Variants in TCP11L1 observed in about 807,000 individuals in gnomAD.
TCP11L1 encodes the protein t-complex 11 like 1, also known as T-complex protein 11-like protein 1.
A neutral mutation model predicts 48.9 loss-of-function variants in TCP11L1; 28 were observed. That is an observed-to-expected ratio of 0.57 (90% CI 0.42 to 0.78). The LOEUF (loss-of-function observed/expected upper bound fraction) is 0.78, where lower values mean the gene tolerates loss of function less well. TCP11L1 is among the 30% of genes least tolerant of loss of function. The pLI, the probability that TCP11L1 is intolerant of heterozygous loss-of-function variation, is 0.00. For synonymous variants in TCP11L1, 204 were observed against 231.9 expected, an observed-to-expected ratio of 0.88 and a Z score of 1.09; for missense variants, 505 against 613.4, an observed-to-expected ratio of 0.82 and a Z score of 1.87.
At chr11:33,061,498 C>A in intron 6 of TCP11L1, 32 bp from the exon 7 acceptor site, 1 of 1,533,506 alleles carries the variant, frequency 6.5e-7, no homozygotes, top group Non-Finnish European at 8.8e-7. Flanking sequence ...TTCTTGGTGT[C>A]AAGGTAATGT....
chr11:33,060,165 A>G (rs1445682048), intron 6 of TCP11L1, among the ~76,000 whole-genome samples: 1 of 152,070 alleles, frequency 6.6e-6, no homozygotes, highest in African/African-American at 2.4e-5. Flanking sequence ...GCTGGAGTGC[A>G]GTGGCACGAT....
intron 4 of TCP11L1, 34 bp from the exon 5 acceptor site, chr11:33,057,885 A>C (rs1460216455): frequency 2.6e-6 from 4 of 1,553,208 alleles, no homozygotes; most frequent in Middle Eastern, 1.9e-4. Context: ...ATGTCTAAAG[A>C]ATTTTGATTA....
At chr11:33,052,396 T>A (rs971212599) in intron 2 of TCP11L1, among the ~76,000 whole-genome samples, 3 of 152,218 alleles carry the variant, frequency 2.0e-5, no homozygotes, top group Non-Finnish European at 4.4e-5. Flanking sequence ...AATTCTGAGT[T>A]TTCCCAACTT....
At chr11:33,047,270 G>A (rs891499111) in intron 2 of TCP11L1, among the ~76,000 whole-genome samples, 1 of 151,268 alleles carries the variant, frequency 6.6e-6, no homozygotes, top group Non-Finnish European at 1.5e-5. Context: ...TATTGAAAAA[G>A]GAAAAATGGC....
chr11:33,066,015 AGTGGAACTTTGATGC>A lies in TCP11L1; in HGVS notation c.1154+10_1154+24del. 1 of 1,613,864 alleles carries A rather than the reference AGTGGAACTTTGATGC, an allele frequency of 6.2e-7. No individual in the cohort carries two copies. The highest frequency in any genetic ancestry group is 2.2e-5 in the East Asian group (1 of 44,876). On this transcript the variant is annotated splice_donor_5th_base_variant and intron_variant, in intron 8 of 9. Transcript: ENST00000334274. ...TGCTAACAGATATGCACCTGCCGTA[AGTGGAACTTTGATGC>A]GTGGATGGGACGCAGTGGATGTCAG...
At chr11:33,044,386 T>C (rs1052396814) in intron 2 of TCP11L1, among the ~76,000 whole-genome samples, 2 of 152,206 alleles carry the variant, frequency 1.3e-5, no homozygotes, top group African/African-American at 2.4e-5. Context: ...TTCAGTTTGC[T>C]AAATGTGTGT....
At chr11:33,067,966 G>T (rs1465612981) in intron 8 of TCP11L1, among the ~76,000 whole-genome samples, 1 of 151,484 alleles carries the variant, frequency 6.6e-6, no homozygotes, top group African/African-American at 2.4e-5. Context: ...CACTCTTGTT[G>T]CCCAGGCTGG....
At position 33,043,764 on chromosome 11, in the gene TCP11L1, T is replaced by G; in HGVS notation, c.-10T>G. The G allele has an allele frequency of 6.3e-7, 1 of 1,596,336 alleles. No individual in the cohort carries two copies. On this transcript the variant is annotated 5_prime_UTR_variant, in exon 2 of 10. Transcript: ENST00000334274. Reference sequence around the variant, plus strand: ...TTCTTTCCTAGGAAAGTGAATAAACTTAATTGAGAATGTCTGAAAACCTTG... The same window carrying G: ...TTCTTTCCTAGGAAAGTGAATAAACGTAATTGAGAATGTCTGAAAACCTTG...
At position 33,060,940 on chromosome 11, in the gene TCP11L1, T is replaced by C. The variant is rs563994695; in HGVS notation, c.776-590T>C. On this transcript the variant is annotated intron_variant, in intron 6 of 9. Transcript: ENST00000334274. ...AGGTGGGTGGCAAGGCCTGGCTAGG[T>C]GTCATGTATTTGTTACTATTATTAT... Among the ~76,000 whole-genome samples, 3 of 151,954 alleles carry C rather than the reference T, an allele frequency of 2.0e-5. No individual in the cohort carries two copies. In the East Asian group the frequency reaches 5.8e-4, roughly 29 times the overall value.
Position 33,072,814 on chromosome 11 carries a change from A to G in TCP11L1, c.*138A>G, listed in dbSNP as rs780601784. 31 of 913,242 alleles carry G rather than the reference A, an allele frequency of 3.4e-5. No homozygotes were observed. The highest frequency in any genetic ancestry group is 5.2e-5 in the Non-Finnish European group (31 of 598,968). 56.6% of individuals were successfully genotyped at this position (913,242 alleles called of 1,614,324 possible). On this transcript the variant is annotated 3_prime_UTR_variant, in exon 10 of 10. Coordinates refer to ENST00000334274, the MANE Select transcript of TCP11L1 (RefSeq NM_018393.4). ...GATTCCAAAGGGAAGAATATTGTGT[A>G]TCACTGTTGAAAAGACTTGTTGAGA...
intron 3 of TCP11L1, chr11:33,056,765 C>G (rs979488023): frequency 8.3e-6 from 2 of 241,124 alleles, no homozygotes; most frequent in Non-Finnish European, 1.7e-5. Flanking sequence ...CTTAGACTAC[C>G]TAATTATAAA....
Position 33,057,107 on chromosome 11 carries a change from T to C in TCP11L1, c.297-8T>C. 1 of 1,608,494 alleles carries C rather than the reference T, an allele frequency of 6.2e-7. No homozygotes were observed. The highest frequency in any genetic ancestry group is 2.2e-5 in the East Asian group (1 of 44,858). ...TTGCCCCCCTCCTTTTTTTTTTCACTGCCCCAGCTTGAAGAAGAGAGTAAA... is the reference window on the plus strand; with the variant it reads ...TTGCCCCCCTCCTTTTTTTTTTCACCGCCCCAGCTTGAAGAAGAGAGTAAA... On this transcript the variant is annotated splice_polypyrimidine_tract_variant and splice_region_variant and intron_variant, in intron 3 of 9. Transcript: ENST00000334274.
At chr11:33,064,201 G>T (rs1854546154) in intron 7 of TCP11L1, among the ~76,000 whole-genome samples, 1 of 152,162 alleles carries the variant, frequency 6.6e-6, no homozygotes, top group Non-Finnish European at 1.5e-5. Context: ...ATGGTCCCTG[G>T]GGACAGCTGT....
At chr11:33,058,887 G>A (rs1275892628) in intron 5 of TCP11L1, 72 bp from the exon 6 acceptor site, 23 of 1,556,470 alleles carry the variant, frequency 1.5e-5, no homozygotes, top group South Asian at 1.4e-4. Flanking sequence ...TGAGCCACGC[G>A]TCTGGTCCTC....
rs3168277 is a variant in TCP11L1, at chr11:33,072,669, G to A, written c.1523G>A (p.Arg508Gln). The A allele has an allele frequency of 0.012, 18,598 of 1,613,992 alleles. 141 individuals carry two copies. Among genetic ancestry groups the A allele is most frequent in the Non-Finnish European group, 0.014 (16,234 of 1,179,976 alleles). ...GCAATCCTGAGTAAGATCCTCGTCC[G>A]ATCCTAACGTGTATGCACCCTACAG... is the stretch of plus-strand genomic sequence containing the variant. ...YDAILSKILV[R>Q]S Residue 508 changes from arginine to glutamine, a missense_variant, in exon 10 of 10, where the codon CGA (arginine) becomes CAA (glutamine). Arg to Gln is a conservative substitution (Grantham distance 43). Coordinates refer to ENST00000334274, the MANE Select transcript of TCP11L1 (RefSeq NM_018393.4).
intron 9 of TCP11L1, 101 bp from the exon 10 acceptor site, chr11:33,072,373 A>AAG (rs1854818369): frequency 8.1e-7 from 1 of 1,237,258 alleles, no homozygotes; most frequent in Non-Finnish European, 1.2e-6. Flanking sequence ...GATCGGGGAC[A>AAG]ACTTCCCCTA....
At chr11:33,062,834 T>C (rs1750774703) in intron 7 of TCP11L1, among the ~76,000 whole-genome samples, 1 of 152,262 alleles carries the variant, frequency 6.6e-6, no homozygotes, top group Non-Finnish European at 1.5e-5. Context: ...ATTTATGTTG[T>C]AGTATGTGTC....
At chr11:33,063,852 G>A (rs906462608) in intron 7 of TCP11L1, among the ~76,000 whole-genome samples, 1 of 152,186 alleles carries the variant, frequency 6.6e-6, no homozygotes, top group African/African-American at 2.4e-5. Context: ...TTGTGCTGGA[G>A]GAAGCTCTAA....
chr11:33,067,022 T>A (rs1240938790), intron 8 of TCP11L1, among the ~76,000 whole-genome samples: 2 of 152,106 alleles, frequency 1.3e-5, no homozygotes, highest in African/African-American at 4.8e-5. Flanking sequence ...CATAACCGAC[T>A]AACAGTGAAA....
Sources: gnomAD v4.1 joint callset for allele counts (sites outside exome capture counted in the v4.1 genomes callset) on GRCh38, gnomAD v4.1.1 for gene constraint, MANE v1.5 for transcripts, NCBI Gene and HGNC (gene_info 2026-07-23, HGNC 2026-07-21) for gene names.